The following TASP1 variants were observed in gnomAD, a reference collection of about 807,000 sequenced individuals.
The protein encoded by TASP1 is threonine aspartase 1.
In TASP1, 16 loss-of-function variants were observed where a neutral mutation model predicts 56.6. The observed-to-expected ratio is 0.28, with a 90% CI of 0.19 to 0.43. TASP1 has a LOEUF of 0.43. Ranked by LOEUF, TASP1 falls within the 20% of genes least tolerant of loss-of-function variation. TASP1 has a pLI of 1.00. For missense variants in TASP1, 393 were observed against 511.6 expected, an observed-to-expected ratio of 0.77 and a Z score of 2.24; for synonymous variants, 179 against 184.2, an observed-to-expected ratio of 0.97 and a Z score of 0.23.
At chr20:13,222,486 C>T in the TASP1 span, among the ~76,000 whole-genome samples, 1 of 152,062 alleles carries the variant, frequency 6.6e-6, no homozygotes, top group Non-Finnish European at 1.5e-5. Context: ...GGGAGCCTCG[C>T]CTGAGGTTCC....
intron 11 of TASP1, among the ~76,000 whole-genome samples, chr20:13,475,433 T>C (rs1001186595): frequency 1.3e-5 from 2 of 152,198 alleles, no homozygotes; most frequent in Non-Finnish European, 2.9e-5. Context: ...ATCTGGTACA[T>C]ACATAGAAAT....
At chr20:13,466,696 G>A (rs2044272045) in intron 11 of TASP1, among the ~76,000 whole-genome samples, 2 of 152,104 alleles carry the variant, frequency 1.3e-5, no homozygotes, top group African/African-American at 2.4e-5. Context: ...AGCTAAGATG[G>A]TACCACTGCA....
the TASP1 span, chr20:13,221,900 C>G: frequency 2.2e-6 from 3 of 1,378,028 alleles, no homozygotes; most frequent in Non-Finnish European, 2.8e-6. Flanking sequence ...CAACGCCAGC[C>G]AAGCCCAGCT....
the TASP1 span, among the ~76,000 whole-genome samples, chr20:13,371,529 C>T: frequency 5.9e-5 from 9 of 152,124 alleles, no homozygotes; most frequent in Non-Finnish European, 1.0e-4. Context: ...TGTATGATTT[C>T]AATCCTTTTA....
intron 10 of TASP1, among the ~76,000 whole-genome samples, chr20:13,515,463 G>A (rs1034951932): frequency 4.7e-5 from 7 of 148,912 alleles, no homozygotes; most frequent in Non-Finnish European, 8.9e-5. Flanking sequence ...GGGAGCTTGC[G>A]AAAATGTAGA....
chr20:13,288,563 T>C, the TASP1 span: 1 of 1,613,930 alleles, frequency 6.2e-7, no homozygotes. Context: ...CGAGGGTGAC[T>C]GGAGTCTCTG....
intron 9 of TASP1, among the ~76,000 whole-genome samples, chr20:13,530,697 T>C (rs1431292430): frequency 6.6e-6 from 1 of 152,180 alleles, no homozygotes; most frequent in African/African-American, 2.4e-5. Context: ...TCCTTCCCTT[T>C]AAGAAAATTC....
chr20:13,512,451 T>A (rs1318369771), intron 10 of TASP1, among the ~76,000 whole-genome samples: 1 of 152,198 alleles, frequency 6.6e-6, no homozygotes, highest in African/African-American at 2.4e-5. Flanking sequence ...TTTGATAAGG[T>A]TGTTTTTTTC....
intron 10 of TASP1, among the ~76,000 whole-genome samples, chr20:13,487,070 C>G (rs6042162): frequency 2.6e-5 from 4 of 151,946 alleles, no homozygotes; most frequent in African/African-American, 7.3e-5. Flanking sequence ...TAATTTTCTA[C>G]GTAGAAAATC....
At chr20:13,151,929 T>G in the TASP1 span, among the ~76,000 whole-genome samples, 1 of 151,712 alleles carries the variant, frequency 6.6e-6, no homozygotes, top group Non-Finnish European at 1.5e-5. Context: ...ACCTAACCGC[T>G]CACAACATGA....
chr20:13,454,380 T>A (rs1035041758), intron 11 of TASP1, among the ~76,000 whole-genome samples: 3 of 152,128 alleles, frequency 2.0e-5, no homozygotes, highest in African/African-American at 7.2e-5. Context: ...TGGAGAGACC[T>A]CCATGTCCCC....
the TASP1 span, among the ~76,000 whole-genome samples, chr20:13,153,562 CA>C: frequency 6.6e-6 from 1 of 151,856 alleles, no homozygotes; most frequent in Non-Finnish European, 1.5e-5. Context: ...AAATGAGGGA[CA>C]ATTTAATGAG....
At chr20:13,111,463 A>C in the TASP1 span, among the ~76,000 whole-genome samples, 2 of 152,222 alleles carry the variant, frequency 1.3e-5, no homozygotes, top group Non-Finnish European at 2.9e-5. Flanking sequence ...CCTACGATGC[A>C]TGGGACAGCC....
intron 11 of TASP1, among the ~76,000 whole-genome samples, chr20:13,453,721 C>T (rs1217030636): frequency 1.3e-5 from 2 of 152,068 alleles, no homozygotes; most frequent in Admixed American, 1.3e-4. Context: ...GATGGGATTA[C>T]ATCAGTAAAC....
the TASP1 span, among the ~76,000 whole-genome samples, chr20:13,138,358 C>T: frequency 6.6e-6 from 1 of 152,168 alleles, no homozygotes; most frequent in South Asian, 2.1e-4. Flanking sequence ...ACACTACCCC[C>T]ATTCATTATC....
At chr20:13,139,794 C>A in the TASP1 span, among the ~76,000 whole-genome samples, 3 of 152,158 alleles carry the variant, frequency 2.0e-5, no homozygotes, top group South Asian at 6.2e-4. Flanking sequence ...CAAATGCTCT[C>A]CTATTTTCTT....
the TASP1 span, among the ~76,000 whole-genome samples, chr20:13,233,189 C>T: frequency 1.3e-5 from 2 of 151,982 alleles, no homozygotes; most frequent in Non-Finnish European, 2.9e-5. Flanking sequence ...CCTGGGGCCT[C>T]AATTACATTG....
At chr20:13,455,940 A>C (rs1294179138) in intron 11 of TASP1, among the ~76,000 whole-genome samples, 1 of 152,114 alleles carries the variant, frequency 6.6e-6, no homozygotes, top group Non-Finnish European at 1.5e-5. Flanking sequence ...CAAACTCTCC[A>C]CTCGCCAGGT....
the TASP1 span, among the ~76,000 whole-genome samples, chr20:13,363,748 A>G: frequency 6.6e-6 from 1 of 152,230 alleles, no homozygotes; most frequent in African/African-American, 2.4e-5. Context: ...CAGGACACCT[A>G]GTTAATGTCC....
Sources: allele counts gnomAD v4.1 joint callset (sites outside exome capture counted in the v4.1 genomes callset), GRCh38; gene constraint gnomAD v4.1.1; transcripts MANE v1.5; gene names NCBI Gene and HGNC (gene_info 2026-07-23, HGNC 2026-07-21).